The following C8orf74 variants were observed in gnomAD, a reference collection of about 807,000 sequenced individuals.
C8orf74 encodes uncharacterized protein C8orf74.
A neutral mutation model predicts 22.2 loss-of-function variants in C8orf74; 29 were observed. That is an observed-to-expected ratio of 1.31 (90% CI 0.97 to 1.78). The LOEUF is 1.78. Ranked by LOEUF, C8orf74 falls within the 40% of genes most tolerant of loss-of-function variation. The probability of loss-of-function intolerance (pLI) is 0.00; values close to 1 mark genes in which losing one functional copy is unlikely to be tolerated. For missense variants in C8orf74, 515 were observed against 369.9 expected, an observed-to-expected ratio of 1.39 and a Z score of -3.22; for synonymous variants, 255 against 163.1, an observed-to-expected ratio of 1.56 and a Z score of -4.30.
At chr8:10,686,164 G>C (rs1289499477) in intron 2 of C8orf74, among the ~76,000 whole-genome samples, 2 of 152,138 alleles carry the variant, frequency 1.3e-5, no homozygotes, top group African/African-American at 2.4e-5. Context: ...GAATGCTAGT[G>C]GACATATTGT....
intron 2 of C8orf74, among the ~76,000 whole-genome samples, chr8:10,696,831 C>G (rs919496885): frequency 1.3e-5 from 2 of 151,844 alleles, no homozygotes; most frequent in Non-Finnish European, 2.9e-5. Context: ...CAAGATAAAG[C>G]ACAGCGAAAG....
At chr8:10,677,006 C>T in intron 2 of C8orf74, among the ~76,000 whole-genome samples, 1 of 152,186 alleles carries the variant, frequency 6.6e-6, no homozygotes, top group Non-Finnish European at 1.5e-5. Context: ...CTGGAGCTTT[C>T]GGCACTTCTG....
intron 2 of C8orf74, chr8:10,691,736 G>A (rs1799386162): frequency 6.6e-6 from 1 of 152,288 alleles, no homozygotes; most frequent in Non-Finnish European, 1.5e-5. Context: ...CTCTCCACCA[G>A]GTTCTTAACC....
chr8:10,689,747 T>G (rs911092615), intron 2 of C8orf74: 2 of 152,176 alleles, frequency 1.3e-5, no homozygotes, highest in African/African-American at 4.8e-5. Context: ...TAAAGTAGGC[T>G]GAAGAAAAGA....
chr8:10,699,415 C>A (rs1799604779), intron 3 of C8orf74, among the ~76,000 whole-genome samples: 1 of 152,238 alleles, frequency 6.6e-6, no homozygotes, highest in African/African-American at 2.4e-5. Flanking sequence ...TATTCTGGGG[C>A]AAATGCACAA....
chr8:10,685,642 G>C (rs1425880135), intron 2 of C8orf74, among the ~76,000 whole-genome samples: 2 of 152,200 alleles, frequency 1.3e-5, no homozygotes, highest in Admixed American at 6.5e-5. Context: ...GCCAGGAGGA[G>C]GGGGAGTGGG....
intron 2 of C8orf74, among the ~76,000 whole-genome samples, chr8:10,694,896 ATGGACGAATGGATGGG>A (rs1004943041): frequency 8.6e-5 from 13 of 152,040 alleles, no homozygotes; most frequent in Admixed American, 6.5e-4. Flanking sequence ...GGAAGAATGG[ATGGACGAATGGATGGG>A]TGGACGGATG....
At chr8:10,696,511 G>A (rs549842257) in intron 2 of C8orf74, among the ~76,000 whole-genome samples, 30 of 134,930 alleles carry the variant, frequency 2.2e-4, no homozygotes, top group African/African-American at 8.0e-4. Context: ...AGTGTAGCTC[G>A]ATCTCAGCTC....
intron 3 of C8orf74, 73 bp from the exon 4 acceptor site, chr8:10,700,162 C>T: frequency 2.1e-6 from 2 of 965,074 alleles, no homozygotes; most frequent in Non-Finnish European, 3.1e-6. Flanking sequence ...GTACCTGCAA[C>T]AGGGGCTGAG....
rs556498580 is a variant in C8orf74 at position 10,682,315 on chromosome 8, T to C, written c.241+7477T>C. 3.9e-5 allele frequency among the ~76,000 whole-genome samples: 6 copies of C among 152,298 alleles called. No homozygotes were observed. The South Asian group carries it at 1.0e-3, about 26-fold the overall frequency. On this transcript the variant is annotated intron_variant, in intron 2 of 3. Transcript: ENST00000304519. ...TGGGACAAACGAGCAGCTCTCCTTT[T>C]GTAGATGCCTCCGTGCAGTATTAGT...
chr8:10,690,497 G>A (rs888349726), intron 2 of C8orf74, among the ~76,000 whole-genome samples: 1 of 152,184 alleles, frequency 6.6e-6, no homozygotes, highest in African/African-American at 2.4e-5. Context: ...CACTGGGCCA[G>A]CCCTGGTAGG....
chr8:10,686,032 G>A (rs1404746494), intron 2 of C8orf74, among the ~76,000 whole-genome samples: 2 of 152,226 alleles, frequency 1.3e-5, no homozygotes, highest in Admixed American at 6.5e-5. Context: ...TTGCACCACT[G>A]CACTCTAGCC....
intron 3 of C8orf74, among the ~76,000 whole-genome samples, 157 bp downstream of exon 3, chr8:10,698,162 C>T (rs957917885): frequency 1.6e-4 from 25 of 152,164 alleles, no homozygotes; most frequent in African/African-American, 5.6e-4. Flanking sequence ...TCGCGGTAGA[C>T]TAAAGGTAGA....
intron 2 of C8orf74, among the ~76,000 whole-genome samples, chr8:10,690,638 A>T (rs1230780233): frequency 6.6e-6 from 1 of 152,194 alleles, no homozygotes; most frequent in Admixed American, 6.5e-5. Context: ...GCACACCCAG[A>T]AGGAGCAGCC....
intron 2 of C8orf74, among the ~76,000 whole-genome samples, chr8:10,681,556 G>A (rs1799148921): frequency 6.6e-6 from 1 of 152,142 alleles, no homozygotes; most frequent in African/African-American, 2.4e-5. Context: ...GGTGGGGACA[G>A]CCTCCCCTGC....
At position 10,697,644 on chromosome 8, in the gene C8orf74, G is replaced by T. The variant is rs1258055455; in HGVS notation, c.287G>T (p.Arg96Ile). The T allele has an allele frequency of 1.2e-6, 2 of 1,613,840 alleles. No homozygotes were observed. The highest frequency in any genetic ancestry group is 1.7e-5 in the Admixed American group (1 of 59,998). The stretch of plus-strand genomic sequence containing the variant: ...GTGACGATCCTGGGGAACAAGCTTA[G>T]AGATTACCGGGGCCATTTCAACACC... ...EAVTILGNKL[R>I]DYRGHFNTTH... The change falls in exon 3 of 4, where the codon AGA becomes ATA. Residue 96 changes from arginine to isoleucine, a missense_variant. Transcript: ENST00000304519.
intron 2 of C8orf74, among the ~76,000 whole-genome samples, chr8:10,681,241 G>T (rs770075252): frequency 5.9e-5 from 9 of 152,070 alleles, no homozygotes; most frequent in Non-Finnish European, 1.2e-4. Flanking sequence ...AGGACGTTCT[G>T]CTCTCCACAC....
At chr8:10,698,327 T>C (rs1288098050) in intron 3 of C8orf74, among the ~76,000 whole-genome samples, 1 of 152,054 alleles carries the variant, frequency 6.6e-6, no homozygotes, top group Non-Finnish European at 1.5e-5. Context: ...CATTGGTCAG[T>C]GACAGATTCC....
rs374455264 is a variant in C8orf74 at position 10,687,615 on chromosome 8, C to CAA, written c.242-9963_242-9962dup. Among the ~76,000 whole-genome samples the CAA allele has an allele frequency of 7.5e-3, 392 of 52,158 alleles. 6 individuals carry two copies. The highest frequency in any genetic ancestry group is 0.016 in the African/African-American group (250 of 15,552). The allele number at this position is 52,158 out of a possible 152,430, so 34.2% of individuals were successfully genotyped here. On this transcript the variant is annotated intron_variant, in intron 2 of 3. Coordinates refer to ENST00000304519, the MANE Select transcript of C8orf74 (RefSeq NM_001040032.2). Reference sequence around the variant, plus strand: ...TGGGTGACACAGTGAGACTCCATCTCAAAAAAAAAAAAAAAAAAAAAAGAA... The same window carrying CAA: ...TGGGTGACACAGTGAGACTCCATCTCAAAAAAAAAAAAAAAAAAAAAAAAGAA...
Sources: gnomAD v4.1 joint callset for allele counts (sites outside exome capture counted in the v4.1 genomes callset) on GRCh38, gnomAD v4.1.1 for gene constraint, MANE v1.5 for transcripts, NCBI Gene and HGNC (gene_info 2026-07-23, HGNC 2026-07-21) for gene names.